The following SLC12A1 variants were observed in gnomAD, a reference collection of about 807,000 sequenced individuals.
The protein encoded by SLC12A1 is Na-K-2Cl cotransporter.
In SLC12A1, 89 loss-of-function variants were observed where a neutral mutation model predicts 130.4. That is an observed-to-expected ratio of 0.68 (90% CI 0.58 to 0.81). SLC12A1 has a LOEUF of 0.81. Ranked by LOEUF, SLC12A1 falls within the 40% of genes least tolerant of loss-of-function variation. The pLI is 0.00. For missense variants in SLC12A1, 1,310 were observed against 1,336.4 expected (o/e 0.98, Z 0.31); for synonymous variants, 499 against 460.0 (o/e 1.08, Z -1.09).
At chr15:48,287,532 G>A (rs1313206471) in intron 21 of SLC12A1, among the ~76,000 whole-genome samples, 1 of 152,128 alleles carries the variant, frequency 6.6e-6, no homozygotes, top group East Asian at 1.9e-4. Flanking sequence ...TTATAAACCA[G>A]ACCTGAATGG....
intron 24 of SLC12A1, among the ~76,000 whole-genome samples, chr15:48,293,940 A>G (rs1393233273): frequency 2.6e-5 from 4 of 151,936 alleles, no homozygotes; most frequent in African/African-American, 7.3e-5. Flanking sequence ...CAGGAGGCTG[A>G]GGCAGGTGAG....
intron 9 of SLC12A1, among the ~76,000 whole-genome samples, chr15:48,240,440 G>T (rs1387242656): frequency 2.6e-5 from 4 of 152,150 alleles, no homozygotes; most frequent in Non-Finnish European, 4.4e-5. Context: ...TGATCACAGA[G>T]TGGTCCCATA....
chr15:48,292,151 A>C (rs1336725430), intron 24 of SLC12A1, among the ~76,000 whole-genome samples: 1 of 152,252 alleles, frequency 6.6e-6, no homozygotes, highest in Non-Finnish European at 1.5e-5. Context: ...TGGCAAGAGC[A>C]GCACGAAGTG....
rs1305208863 is a variant in SLC12A1 at position 48,207,434 on chromosome 15, T to A, written c.-186-100T>A. On this transcript the variant is annotated intron_variant, in intron 1 of 26. Transcript: ENST00000380993. ...AAATTTTAGTGAAATGAGTTTAAAA[T>A]TGTATGTCTTGTAAAATAAAACTGT... 2.8e-5 allele frequency: 6 copies of A among 215,474 alleles called. No homozygotes were observed. In the Admixed American group the frequency reaches 3.3e-4, roughly 12 times the overall value. 13.3% of individuals were successfully genotyped at this position (215,474 alleles called of 1,614,324 possible).
intron 5 of SLC12A1, 69 bp from the exon 6 acceptor site, chr15:48,229,120 T>G: frequency 1.3e-5 from 19 of 1,457,212 alleles, no homozygotes; most frequent in Non-Finnish European, 1.8e-5. Flanking sequence ...TGTTCTCAGA[T>G]AGTCACAATC....
rs1479062049 is a variant in SLC12A1 at position 48,220,975 on chromosome 15, A to C, written c.607A>C (p.Ile203Leu). 6.2e-7 allele frequency: 1 copy of C among 1,613,972 alleles called. No homozygotes were observed. The highest frequency in any genetic ancestry group is 8.5e-7 in the Non-Finnish European group (1 of 1,179,878). ...GVMLFIRLSW[I>L]VGEAGIGLGV... is the part of the protein sequence containing the mutation. Reference sequence around the variant, plus strand: ...CATGCTCTTCATTCGCCTCTCCTGGATTGTTGGAGAAGCTGGAATTGGTAA... The same window carrying C: ...CATGCTCTTCATTCGCCTCTCCTGGCTTGTTGGAGAAGCTGGAATTGGTAA... Residue 203 changes from isoleucine to leucine, a missense_variant, in exon 4 of 27, where the codon ATT (isoleucine) becomes CTT (leucine). By Grantham distance (5) the Ile-to-Leu change is conservative. Transcript: ENST00000380993.
intron 16 of SLC12A1, among the ~76,000 whole-genome samples, chr15:48,258,052 C>T (rs1220828670): frequency 6.6e-6 from 1 of 152,274 alleles, no homozygotes; most frequent in East Asian, 1.9e-4. Flanking sequence ...TGCTGCCAGT[C>T]TCTTTGCACA....
At chr15:48,277,042 C>T (rs574433713) in intron 20 of SLC12A1, among the ~76,000 whole-genome samples, 1 of 152,194 alleles carries the variant, frequency 6.6e-6, no homozygotes, top group East Asian at 1.9e-4. Flanking sequence ...GAGAGACTAT[C>T]AGATGAACAA....
intron 21 of SLC12A1, 38 bp downstream of exon 21, chr15:48,285,287 A>C: frequency 6.2e-7 from 1 of 1,602,762 alleles, no homozygotes; most frequent in Non-Finnish European, 8.5e-7. Flanking sequence ...AGTTTACAAG[A>C]TGAGTCACTA....
chr15:48,241,381 G>A (rs1291097963), intron 9 of SLC12A1, 134 bp from the exon 10 acceptor site: 17 of 721,304 alleles, frequency 2.4e-5, no homozygotes, highest in East Asian at 7.6e-5. Flanking sequence ...TCAACTTGCT[G>A]TTTGCTTGAT....
chr15:48,273,163 C>T (rs750571875), intron 19 of SLC12A1, among the ~76,000 whole-genome samples: 3 of 151,394 alleles, frequency 2.0e-5, no homozygotes, highest in South Asian at 2.1e-4. Context: ...TAGTCTGGCA[C>T]GTGTGGGCCA....
At chr15:48,259,352 T>C (rs1171534574) in intron 17 of SLC12A1, 41 bp downstream of exon 17, 4 of 1,279,136 alleles carry the variant, frequency 3.1e-6, no homozygotes, top group African/African-American at 2.9e-5. Flanking sequence ...TTTTCCTCCC[T>C]GCTTATCTTG....
intron 13 of SLC12A1, among the ~76,000 whole-genome samples, chr15:48,249,201 A>G (rs942068399): frequency 6.6e-6 from 1 of 152,128 alleles, no homozygotes; most frequent in Admixed American, 6.5e-5. Context: ...ACTGCTGTTT[A>G]ACTAATATCC....
intron 20 of SLC12A1, among the ~76,000 whole-genome samples, chr15:48,282,233 A>G (rs2042015270): frequency 6.6e-6 from 1 of 152,152 alleles, no homozygotes; most frequent in Non-Finnish European, 1.5e-5. Flanking sequence ...TGTCTCTATC[A>G]TCTTTGAGGA....
chr15:48,263,794 G>T (rs2041801602), intron 17 of SLC12A1, among the ~76,000 whole-genome samples: 1 of 152,094 alleles, frequency 6.6e-6, no homozygotes, highest in Non-Finnish European at 1.5e-5. Flanking sequence ...CCAGGCTCAA[G>T]CAATCCTCCC....
At position 48,301,362 on chromosome 15, in the gene SLC12A1, A is replaced by G. The variant is rs1487952589; in HGVS notation, c.3144A>G (p.Arg1048=). ...ATGAACTCTTACAGGAGCACTCCAG[A>G]GCTGCTAATCTCATTGTCCTGTAAG... ...RLNELLQEHS[R]AANLIVLSLP... is the part of the protein sequence containing the mutation. The change falls in exon 26 of 27, where the codon AGA becomes AGG. Residue 1048 remains arginine, a synonymous_variant. Transcript: ENST00000380993. 1.2e-5 allele frequency: 19 copies of G among 1,595,116 alleles called. No individual in the cohort carries two copies. Among genetic ancestry groups the G allele is most frequent in the Non-Finnish European group, 1.5e-5 (18 of 1,169,980 alleles).
chr15:48,232,231 T>C (rs186476979), intron 7 of SLC12A1, among the ~76,000 whole-genome samples: 1 of 152,344 alleles, frequency 6.6e-6, no homozygotes, highest in East Asian at 1.9e-4. Flanking sequence ...CAGTCAACTT[T>C]GCAGACTGCT....
At chr15:48,288,597 C>A in intron 23 of SLC12A1, 81 bp downstream of exon 23, 1 of 702,586 alleles carries the variant, frequency 1.4e-6, no homozygotes, top group South Asian at 1.8e-5. Context: ...CTTTAAGTGT[C>A]TCTGAGACAC....
intron 24 of SLC12A1, among the ~76,000 whole-genome samples, chr15:48,296,596 G>A (rs918631605): frequency 1.3e-5 from 2 of 152,134 alleles, no homozygotes; most frequent in Non-Finnish European, 2.9e-5. Flanking sequence ...GAAATTTTAT[G>A]TGGACTTAGG....
Sources: allele counts gnomAD v4.1 joint callset (sites outside exome capture counted in the v4.1 genomes callset), GRCh38; gene constraint gnomAD v4.1.1; transcripts MANE v1.5; gene names NCBI Gene and HGNC (gene_info 2026-07-23, HGNC 2026-07-21).